The following LINGO2 variants were observed in gnomAD, a reference collection of about 807,000 sequenced individuals.
LINGO2 encodes the protein leucine-rich repeat and immunoglobulin-like domain-containing nogo receptor-interacting protein 2.
A neutral mutation model predicts 30.6 loss-of-function variants in LINGO2; 14 were observed. The ratio of observed to expected loss-of-function variants is 0.46; its 90% CI spans 0.30 to 0.72. LINGO2 has a LOEUF of 0.72. Ranked by LOEUF, LINGO2 falls within the 30% of genes least tolerant of loss-of-function variation. The pLI, the probability that LINGO2 is intolerant of heterozygous loss-of-function variation, is 0.07. For synonymous variants in LINGO2, 317 were observed against 288.5 expected (o/e 1.10, Z -1.00); for missense variants, 729 against 751.7 (o/e 0.97, Z 0.35).
the LINGO2 span, among the ~76,000 whole-genome samples, chr9:29,158,108 C>G: frequency 1.3e-5 from 2 of 150,864 alleles, no homozygotes; most frequent in Non-Finnish European, 2.9e-5. Context: ...TTTGGGAGGC[C>G]AAGGTGGGCA....
chr9:28,326,948 T>G (rs1193481987), intron 3 of LINGO2, among the ~76,000 whole-genome samples: 1 of 152,126 alleles, frequency 6.6e-6, no homozygotes, highest in East Asian at 1.9e-4. Flanking sequence ...ACAGGCTTGC[T>G]AAGGTCTGAA....
chr9:28,440,794 A>G (rs1358912255), intron 2 of LINGO2, among the ~76,000 whole-genome samples: 1 of 152,222 alleles, frequency 6.6e-6, no homozygotes, highest in Non-Finnish European at 1.5e-5. Context: ...ATGATTAACA[A>G]GAATATTTTA....
chr9:29,006,561 T>C, the LINGO2 span, among the ~76,000 whole-genome samples: 31 of 152,004 alleles, frequency 2.0e-4, no homozygotes, highest in African/African-American at 7.5e-4. Context: ...GGAAAAATAT[T>C]TGGATATATG....
the LINGO2 span, among the ~76,000 whole-genome samples, chr9:29,068,602 T>C: frequency 6.6e-6 from 1 of 151,842 alleles, no homozygotes; most frequent in South Asian, 2.1e-4. Context: ...TCTGTGCAAA[T>C]AGTGCTGGTT....
intron 4 of LINGO2, among the ~76,000 whole-genome samples, chr9:28,188,483 G>A (rs1587173217): frequency 6.6e-6 from 1 of 152,008 alleles, no homozygotes; most frequent in African/African-American, 2.4e-5. Context: ...CAGAGGGTAT[G>A]GGAAGACGCC....
intron 4 of LINGO2, among the ~76,000 whole-genome samples, chr9:28,136,802 C>T (rs150810850): frequency 9.5e-4 from 145 of 152,138 alleles, no homozygotes; most frequent in African/African-American, 3.4e-3. Context: ...TGGGTGTGTT[C>T]GTGAGGGTGT....
At chr9:27,997,341 C>T (rs1197936) in intron 5 of LINGO2, among the ~76,000 whole-genome samples, 45,458 of 151,958 alleles carry the variant, frequency 0.3, 9,076 homozygotes, top group African/African-American at 0.57. Flanking sequence ...AAATATAATG[C>T]CATTCATTTT....
the LINGO2 span, among the ~76,000 whole-genome samples, chr9:28,754,745 C>A: frequency 6.6e-6 from 1 of 151,736 alleles, no homozygotes; most frequent in Non-Finnish European, 1.5e-5. Flanking sequence ...ATTCTCCTTC[C>A]TCAGCCTCCA....
intron 4 of LINGO2, among the ~76,000 whole-genome samples, chr9:28,187,708 GAGA>G (rs1327038507): frequency 6.6e-6 from 1 of 152,116 alleles, no homozygotes; most frequent in Non-Finnish European, 1.5e-5. Flanking sequence ...ATTTAAACTT[GAGA>G]AGGACAGAGT....
At chr9:27,950,039 G>C in exon 6 of LINGO2, 10 of 1,614,120 alleles carry the variant, frequency 6.2e-6, no homozygotes, top group Non-Finnish European at 6.8e-6. Context: ...TGTTGATATT[G>C]AGATGCTTCA....
At chr9:28,707,489 C>T in the LINGO2 span, among the ~76,000 whole-genome samples, 17,052 of 152,092 alleles carry the variant, frequency 0.11, 1,183 homozygotes, top group East Asian at 0.23. Flanking sequence ...CCATCTCATT[C>T]GCTGCACTGG....
chr9:28,079,340 C>T (rs1825711995), intron 4 of LINGO2, among the ~76,000 whole-genome samples: 1 of 152,218 alleles, frequency 6.6e-6, no homozygotes, highest in Non-Finnish European at 1.5e-5. Flanking sequence ...ACCAGCCACA[C>T]CCAAAAGACT....
intron 4 of LINGO2, among the ~76,000 whole-genome samples, chr9:28,078,893 CAAG>C (rs1314478238): frequency 6.8e-6 from 1 of 147,604 alleles, no homozygotes; most frequent in Admixed American, 6.6e-5. Flanking sequence ...TCTTATAGGC[CAAG>C]TGGGAGCACA....
intron 1 of LINGO2, among the ~76,000 whole-genome samples, chr9:28,485,160 T>C (rs1304488084): frequency 6.6e-6 from 1 of 152,186 alleles, no homozygotes; most frequent in Non-Finnish European, 1.5e-5. Context: ...TAAAATCCTG[T>C]CTTTGATTAC....
intron 1 of LINGO2, among the ~76,000 whole-genome samples, chr9:28,526,224 G>A (rs978931753): frequency 6.6e-6 from 1 of 152,058 alleles, no homozygotes; most frequent in South Asian, 2.1e-4. Context: ...AATGTTACTT[G>A]GAACATCAAG....
At chr9:27,999,004 T>C (rs563311682) in intron 5 of LINGO2, among the ~76,000 whole-genome samples, 1 of 152,260 alleles carries the variant, frequency 6.6e-6, no homozygotes, top group East Asian at 1.9e-4. Context: ...CTCTTACTTT[T>C]GGTATCTGGT....
At chr9:28,780,455 T>C in the LINGO2 span, among the ~76,000 whole-genome samples, 2 of 152,114 alleles carry the variant, frequency 1.3e-5, no homozygotes, top group African/African-American at 4.8e-5. Context: ...TAGAACAGCT[T>C]AGCACTATGT....
At chr9:28,785,459 C>A in the LINGO2 span, among the ~76,000 whole-genome samples, 1 of 152,164 alleles carries the variant, frequency 6.6e-6, no homozygotes, top group South Asian at 2.1e-4. Flanking sequence ...TATAATATCA[C>A]ACTATACAGA....
intron 4 of LINGO2, among the ~76,000 whole-genome samples, chr9:28,189,637 A>G (rs1403683195): frequency 9.7e-5 from 2 of 20,518 alleles, no homozygotes; most frequent in African/African-American, 2.3e-4. Flanking sequence ...GGGAGGGAGG[A>G]AGGAAGGGAG....
Sources: gnomAD v4.1 joint callset for allele counts (sites outside exome capture counted in the v4.1 genomes callset) on GRCh38, gnomAD v4.1.1 for gene constraint, MANE v1.5 for transcripts, NCBI Gene and HGNC (gene_info 2026-07-23, HGNC 2026-07-21) for gene names.